Variants in PIGU observed in about 807,000 individuals in gnomAD.
PIGU encodes GPI-anchor transamidase component PIGU.
In PIGU, 24 loss-of-function variants were observed where a neutral mutation model predicts 49.9. The ratio of observed to expected loss-of-function variants is 0.48; its 90% CI spans 0.35 to 0.68. The LOEUF is 0.68. PIGU is among the 30% of genes least tolerant of loss of function. The pLI is 0.01. For synonymous variants in PIGU, 220 were observed against 205.7 expected (o/e 1.07, Z -0.59); for missense variants, 490 against 532.6 (o/e 0.92, Z 0.79).
chr20:34,615,631 T>C (rs912466005), intron 7 of PIGU, among the ~76,000 whole-genome samples: 1 of 152,186 alleles, frequency 6.6e-6, no homozygotes, highest in African/African-American at 2.4e-5. Flanking sequence ...TTGTACACCA[T>C]TCTGAGTAGT....
chr20:34,563,190 AAAT>A (rs753303650), intron 11 of PIGU, among the ~76,000 whole-genome samples: 6 of 152,340 alleles, frequency 3.9e-5, no homozygotes, highest in Admixed American at 1.3e-4. Context: ...GTACCAACAG[AAAT>A]AACAGTAAGA....
intron 7 of PIGU, among the ~76,000 whole-genome samples, chr20:34,588,896 A>T (rs959831767): frequency 6.6e-6 from 1 of 152,214 alleles, no homozygotes; most frequent in African/African-American, 2.4e-5. Context: ...ATATCAAGAA[A>T]AAATCCTTCA....
intron 1 of PIGU, among the ~76,000 whole-genome samples, chr20:34,658,804 C>T (rs1986806170): frequency 6.6e-6 from 1 of 151,656 alleles, no homozygotes; most frequent in African/African-American, 2.4e-5. Context: ...TGGCAGCCGC[C>T]CCGTCTGAGA....
chr20:34,588,064 T>C (rs1983770377), intron 8 of PIGU, among the ~76,000 whole-genome samples: 1 of 152,092 alleles, frequency 6.6e-6, no homozygotes, highest in Non-Finnish European at 1.5e-5. Context: ...CCAGCCTGGC[T>C]AACATGGTGA....
chr20:34,658,918 C>T (rs972858138), intron 1 of PIGU, among the ~76,000 whole-genome samples: 1 of 151,388 alleles, frequency 6.6e-6, no homozygotes, highest in African/African-American at 2.4e-5. Context: ...CAACCCCCGC[C>T]AGGCCAGCCG....
intron 2 of PIGU, among the ~76,000 whole-genome samples, chr20:34,646,140 T>A (rs1986337214): frequency 6.6e-6 from 1 of 152,184 alleles, no homozygotes; most frequent in Non-Finnish European, 1.5e-5. Flanking sequence ...CTCAAAGATT[T>A]GGGAAAATTC....
intron 5 of PIGU, among the ~76,000 whole-genome samples, chr20:34,635,662 G>T (rs1985933977): frequency 6.6e-6 from 1 of 152,104 alleles, no homozygotes; most frequent in South Asian, 2.1e-4. Context: ...GATCACCTGA[G>T]GTTGGGAGTT....
chr20:34,669,766 A>C (rs1431810494), intron 1 of PIGU, among the ~76,000 whole-genome samples: 2 of 152,136 alleles, frequency 1.3e-5, no homozygotes, highest in Admixed American at 1.3e-4. Flanking sequence ...GAACATGTTA[A>C]ATTGTATCAT....
At chr20:34,607,038 C>A (rs1204193798) in intron 7 of PIGU, among the ~76,000 whole-genome samples, 6 of 152,152 alleles carry the variant, frequency 3.9e-5, no homozygotes, top group Non-Finnish European at 7.4e-5. Flanking sequence ...GGATTACAGG[C>A]GTGAGCCACC....
At chr20:34,672,705 A>G (rs1987344254) in intron 1 of PIGU, among the ~76,000 whole-genome samples, 1 of 151,780 alleles carries the variant, frequency 6.6e-6, no homozygotes, top group African/African-American at 2.4e-5. Flanking sequence ...ACAATAAAAA[A>G]CAATTAGCAA....
chr20:34,659,210 T>G (rs1600667753), intron 1 of PIGU, among the ~76,000 whole-genome samples: 4 of 114,884 alleles, frequency 3.5e-5, no homozygotes, highest in South Asian at 3.1e-4. Context: ...GGTGGGGGGG[T>G]CAGCCCCCCG....
intron 1 of PIGU, among the ~76,000 whole-genome samples, chr20:34,668,483 A>AGGGGGG: frequency 1.1e-5 from 1 of 88,724 alleles, no homozygotes; most frequent in African/African-American, 5.6e-5. Flanking sequence ...AAAAAAAAAA[A>AGGGGGG]GGGGGGGGCG....
Position 34,670,190 on chromosome 20 carries a change from G to A in PIGU, c.130+6766C>T, listed in dbSNP as rs12624556. On this transcript the variant is annotated intron_variant, in intron 1 of 11. Transcript: ENST00000217446. ...AAATTCTGTTTAATTTTGTAATAAC[G>A]GCTTTTTTTTTTTTTTTGAGACAAA... Among the ~76,000 whole-genome samples, 89 of 104,536 alleles carry A rather than the reference G, an allele frequency of 8.5e-4. 1 individual carries two copies. In the East Asian group the frequency reaches 0.025, roughly 29 times the overall value. The allele number at this position is 104,536 out of a possible 152,430, so 68.6% of individuals were successfully genotyped here.
chr20:34,645,782 AACT>A (rs1162176057), intron 2 of PIGU, among the ~76,000 whole-genome samples: 1 of 152,142 alleles, frequency 6.6e-6, no homozygotes, highest in African/African-American at 2.4e-5. Flanking sequence ...CTGTAGTCCC[AACT>A]ACTAGGGAGG....
chr20:34,574,881 C>A (rs1307845492), intron 11 of PIGU, among the ~76,000 whole-genome samples: 1 of 152,184 alleles, frequency 6.6e-6, no homozygotes, highest in Non-Finnish European at 1.5e-5. Flanking sequence ...GAGAATACAG[C>A]ATGGCTATGG....
At chr20:34,659,207 G>A (rs1484267205) in intron 1 of PIGU, among the ~76,000 whole-genome samples, 1 of 143,456 alleles carries the variant, frequency 7.0e-6, no homozygotes. Flanking sequence ...GGAGGTGGGG[G>A]GGTCAGCCCC....
At chr20:34,638,373 T>C (rs1280480194) in intron 4 of PIGU, among the ~76,000 whole-genome samples, 1 of 152,186 alleles carries the variant, frequency 6.6e-6, no homozygotes, top group Non-Finnish European at 1.5e-5. Context: ...AGTTAGTAAC[T>C]TTTTCACTTA....
Position 34,560,670 on chromosome 20 carries a change from G to A in PIGU, c.*196C>T. The A allele has an allele frequency of 2.2e-6, 1 of 459,172 alleles. No individual in the cohort carries two copies. The highest frequency in any genetic ancestry group is 3.8e-6 in the Non-Finnish European group (1 of 260,748). The allele number at this position is 459,172 out of a possible 1,614,324, so 28.4% of individuals were successfully genotyped here. A position where few individuals can be genotyped will look rare whatever the true frequency, so the allele number is the denominator to read the frequency against. On this transcript the variant is annotated 3_prime_UTR_variant, in exon 12 of 12. Transcript: ENST00000217446. The stretch of plus-strand genomic sequence containing the variant: ...GAGCCACAAGGTGGGGGTCCAAGTT[G>A]GGGAGCTCCCAGTTCTTCCCCATAG...
Position 34,585,509 on chromosome 20 carries a change from A to T in PIGU, c.854T>A (p.Phe285Tyr), listed in dbSNP as rs1252578847. Residue 285 changes from phenylalanine (F) to tyrosine (Y), a missense_variant, in exon 9 of 12, where the codon TTC (phenylalanine) becomes TAC (tyrosine). Transcript: ENST00000217446. ...AAACACACATACAAAGAAGAGGCTG[A>T]AGTGCTCAAACATCTCTGCAAAGAA... is the stretch of plus-strand genomic sequence containing the variant. ...WYFFAEMFEH[F>Y]SLFFVCVFQI... 1 of 1,613,142 alleles carries T rather than the reference A, an allele frequency of 6.2e-7. No individual in the cohort carries two copies. Among genetic ancestry groups the T allele is most frequent in the Non-Finnish European group, 8.5e-7 (1 of 1,179,142 alleles).
Sources: gnomAD v4.1 joint callset for allele counts (sites outside exome capture counted in the v4.1 genomes callset) on GRCh38, gnomAD v4.1.1 for gene constraint, MANE v1.5 for transcripts, NCBI Gene and HGNC (gene_info 2026-07-23, HGNC 2026-07-21) for gene names.